The following NTM variants were observed in gnomAD, a reference collection of about 807,000 sequenced individuals.
NTM encodes neurotrimin.
A neutral mutation model predicts 42.1 loss-of-function variants in NTM; 13 were observed. The ratio of observed to expected loss-of-function variants is 0.31; its 90% CI spans 0.20 to 0.49. The LOEUF (loss-of-function observed/expected upper bound fraction) is 0.49, where lower values mean the gene tolerates loss of function less well. Among genes scored for constraint, NTM ranks in the 20% least tolerant of loss-of-function variants. The pLI is 0.99. For synonymous variants in NTM, 187 were observed against 179.2 expected, an observed-to-expected ratio of 1.04 and a Z score of -0.35; for missense variants, 373 against 452.8, an observed-to-expected ratio of 0.82 and a Z score of 1.60.
chr11:132,013,498 T>C (rs79045238), intron 2 of NTM, among the ~76,000 whole-genome samples: 1,548 of 152,130 alleles, frequency 0.01, 28 homozygotes, highest in African/African-American at 0.036. Flanking sequence ...AGTGGAGGAC[T>C]TGGGAGAAAC....
intron 1 of NTM, among the ~76,000 whole-genome samples, chr11:131,902,900 T>TTATATG (rs1389350910): frequency 5.3e-5 from 8 of 152,218 alleles, no homozygotes; most frequent in African/African-American, 1.9e-4. Context: ...ACACATAAAA[T>TTATATG]TATATGTATG....
At chr11:132,200,724 G>T (rs997462465) in intron 3 of NTM, among the ~76,000 whole-genome samples, 1 of 152,146 alleles carries the variant, frequency 6.6e-6, no homozygotes, top group Non-Finnish European at 1.5e-5. Flanking sequence ...TGAGAGCCGA[G>T]AGCGGCGACC....
chr11:131,563,579 C>A (rs1374043245), intron 1 of NTM, among the ~76,000 whole-genome samples: 2 of 88,768 alleles, frequency 2.3e-5, no homozygotes, highest in Non-Finnish European at 2.1e-5. Flanking sequence ...GCTCCAGACA[C>A]TTTTTTTTTT....
At chr11:131,962,052 C>G (rs917526889) in intron 2 of NTM, among the ~76,000 whole-genome samples, 5 of 152,026 alleles carry the variant, frequency 3.3e-5, no homozygotes, top group African/African-American at 1.2e-4. Context: ...TGTGAGTGGC[C>G]TAGGTGGTTT....
intron 1 of NTM, among the ~76,000 whole-genome samples, chr11:131,433,318 C>T (rs1197655608): frequency 6.6e-6 from 1 of 152,050 alleles, no homozygotes; most frequent in Non-Finnish European, 1.5e-5. Flanking sequence ...TCCTATACAA[C>T]ATTCTGTTTT....
chr11:132,310,860 A>C (rs574273892), intron 6 of NTM, among the ~76,000 whole-genome samples: 1 of 152,208 alleles, frequency 6.6e-6, no homozygotes, highest in African/African-American at 2.4e-5. Context: ...ATCAAATGAC[A>C]TATCAGTGCA....
intron 2 of NTM, among the ~76,000 whole-genome samples, chr11:132,071,565 T>C (rs2057676872): frequency 6.6e-6 from 1 of 152,154 alleles, no homozygotes; most frequent in Admixed American, 6.5e-5. Context: ...ATCATGAAAA[T>C]ACATTAGCCA....
At chr11:131,828,549 G>A (rs80353839) in intron 1 of NTM, among the ~76,000 whole-genome samples, 5,410 of 151,226 alleles carry the variant, frequency 0.036, 318 homozygotes, top group African/African-American at 0.13. Context: ...ATTAATTCTG[G>A]TATTGCCACC....
chr11:131,588,752 C>T (rs899600031), intron 1 of NTM, among the ~76,000 whole-genome samples: 7 of 152,176 alleles, frequency 4.6e-5, no homozygotes, highest in Admixed American at 2.6e-4. Flanking sequence ...TAGAAAACTA[C>T]GTCAGACAAG....
chr11:132,330,233 G>A (rs1324528910), intron 8 of NTM, 48 bp downstream of exon 8: 1 of 1,517,734 alleles, frequency 6.6e-7, no homozygotes, highest in East Asian at 2.5e-5. Context: ...TGTGGGGTAT[G>A]TAAAACTCTT....
intron 4 of NTM, among the ~76,000 whole-genome samples, chr11:132,305,391 A>G (rs1432781646): frequency 6.6e-6 from 1 of 152,216 alleles, no homozygotes. Context: ...CAATCCAGAA[A>G]CAGCTGTCCA....
intron 2 of NTM, among the ~76,000 whole-genome samples, chr11:132,139,250 C>T (rs1222692665): frequency 6.6e-6 from 1 of 152,186 alleles, no homozygotes; most frequent in Non-Finnish European, 1.5e-5. Context: ...GAAGATGCCC[C>T]ACCTTGCCCA....
At chr11:131,449,367 G>A (rs996964984) in intron 1 of NTM, among the ~76,000 whole-genome samples, 2 of 152,184 alleles carry the variant, frequency 1.3e-5, no homozygotes, top group African/African-American at 4.8e-5. Context: ...GAATTTCTAG[G>A]CAAGGAGGGG....
Position 131,494,281 on chromosome 11 carries a change from T to A in NTM, c.82+123393T>A, listed in dbSNP as rs1279609894. On this transcript the variant is annotated intron_variant, in intron 1 of 8. Coordinates refer to ENST00000683400, the MANE Select transcript of NTM (RefSeq NM_001352005.2). ...ATAAAATTACCAATAAGCCATGATA[T>A]TGACCCCCAGGAGCTATGATCAGGT... 3.3e-5 allele frequency among the ~76,000 whole-genome samples: 5 copies of A among 152,276 alleles called. No homozygotes were observed. The East Asian group carries it at 9.7e-4, about 29-fold the overall frequency.
intron 2 of NTM, among the ~76,000 whole-genome samples, chr11:132,082,171 G>A (rs2059154394): frequency 6.6e-6 from 1 of 152,012 alleles, no homozygotes; most frequent in Non-Finnish European, 1.5e-5. Flanking sequence ...ATGGTCCTGG[G>A]AATGATGCAG....
At chr11:132,212,833 T>C (rs527865355) in intron 4 of NTM, among the ~76,000 whole-genome samples, 1 of 152,300 alleles carries the variant, frequency 6.6e-6, no homozygotes, top group Non-Finnish European at 1.5e-5. Flanking sequence ...AAATATTTCA[T>C]TCTTAAATAT....
At chr11:132,054,231 TAAATC>T (rs962990434) in intron 2 of NTM, among the ~76,000 whole-genome samples, 4 of 152,078 alleles carry the variant, frequency 2.6e-5, no homozygotes, top group African/African-American at 9.7e-5. Flanking sequence ...ACAAACAAAA[TAAATC>T]AAAATATTGT....
At chr11:131,503,686 C>A (rs2047121142) in intron 1 of NTM, among the ~76,000 whole-genome samples, 1 of 135,968 alleles carries the variant, frequency 7.4e-6, no homozygotes. Context: ...CTATGCCTGG[C>A]TAATTGTTTC....
chr11:131,557,562 C>T (rs377491374), intron 1 of NTM, among the ~76,000 whole-genome samples: 2 of 152,296 alleles, frequency 1.3e-5, no homozygotes, highest in African/African-American at 4.8e-5. Context: ...TAGTAATAAA[C>T]TTATCTTACT....
Sources: gnomAD v4.1 joint callset for allele counts (sites outside exome capture counted in the v4.1 genomes callset) on GRCh38, gnomAD v4.1.1 for gene constraint, MANE v1.5 for transcripts, NCBI Gene and HGNC (gene_info 2026-07-23, HGNC 2026-07-21) for gene names.